GPC6: variants seen among roughly 807,000 people sequenced by gnomAD.
GPC6 encodes the protein glypican-6.
A neutral mutation model predicts 55.2 loss-of-function variants in GPC6; 14 were observed. That is an observed-to-expected ratio of 0.25 (90% CI 0.17 to 0.40). GPC6 has a LOEUF of 0.40. Ranked by LOEUF, GPC6 falls within the 10% of genes least tolerant of loss-of-function variation. The probability of loss-of-function intolerance (pLI) is 1.00; values close to 1 mark genes in which losing one functional copy is unlikely to be tolerated. For synonymous variants in GPC6, 278 were observed against 259.6 expected (o/e 1.07, Z -0.68); for missense variants, 641 against 708.5 (o/e 0.90, Z 1.08).
chr13:94,191,665 A>G (rs1889399981), intron 4 of GPC6, among the ~76,000 whole-genome samples: 1 of 151,864 alleles, frequency 6.6e-6, no homozygotes. Context: ...AAAAAAATTG[A>G]GACTTATCTT....
intron 3 of GPC6, among the ~76,000 whole-genome samples, chr13:93,978,019 T>C (rs1283154603): frequency 6.6e-6 from 1 of 152,206 alleles, no homozygotes; most frequent in East Asian, 1.9e-4. Context: ...CAGACTATTC[T>C]GGATTATCCA....
At chr13:93,800,014 A>G (rs1460099624) in intron 2 of GPC6, among the ~76,000 whole-genome samples, 2 of 151,880 alleles carry the variant, frequency 1.3e-5, no homozygotes, top group Admixed American at 1.3e-4. Flanking sequence ...TGGAGCTTAC[A>G]TTTCTGATAC....
intron 2 of GPC6, among the ~76,000 whole-genome samples, chr13:93,616,815 C>A (rs1401487069): frequency 6.6e-6 from 1 of 152,094 alleles, no homozygotes; most frequent in Non-Finnish European, 1.5e-5. Flanking sequence ...GAACATTCAA[C>A]ACCATTGACG....
chr13:93,983,324 A>G (rs904631585), intron 3 of GPC6, among the ~76,000 whole-genome samples: 2 of 152,200 alleles, frequency 1.3e-5, no homozygotes, highest in Non-Finnish European at 2.9e-5. Context: ...TGGATCGTAT[A>G]TAAAATGTAG....
At chr13:93,781,230 C>T (rs1021192736) in intron 2 of GPC6, among the ~76,000 whole-genome samples, 3 of 150,508 alleles carry the variant, frequency 2.0e-5, no homozygotes, top group Non-Finnish European at 4.4e-5. Context: ...AAGCCGAGAT[C>T]GCGCCACTGC....
At chr13:93,763,290 T>G (rs1224977795) in intron 2 of GPC6, among the ~76,000 whole-genome samples, 1 of 152,222 alleles carries the variant, frequency 6.6e-6, no homozygotes, top group African/African-American at 2.4e-5. Context: ...AGCTGGACTC[T>G]TTGATTCCCT....
At chr13:94,313,471 A>G (rs1005594588) in intron 6 of GPC6, among the ~76,000 whole-genome samples, 34 of 152,214 alleles carry the variant, frequency 2.2e-4, no homozygotes, top group Non-Finnish European at 1.5e-5. Flanking sequence ...TAGAAGGCAC[A>G]TAGACCTCTC....
intron 6 of GPC6, among the ~76,000 whole-genome samples, chr13:94,319,021 C>T (rs1876685401): frequency 6.6e-6 from 1 of 152,064 alleles, no homozygotes; most frequent in South Asian, 2.1e-4. Context: ...TTTTAAAATC[C>T]AGAATAACAA....
At chr13:94,393,847 C>T (rs1268743518) in intron 7 of GPC6, among the ~76,000 whole-genome samples, 5 of 152,160 alleles carry the variant, frequency 3.3e-5, no homozygotes, top group South Asian at 2.1e-4. Context: ...CCAGCATTAA[C>T]GTGATGATGA....
chr13:94,213,145 G>A (rs1890130767), intron 4 of GPC6, among the ~76,000 whole-genome samples: 1 of 152,182 alleles, frequency 6.6e-6, no homozygotes, highest in Admixed American at 6.5e-5. Context: ...GACATAGCAA[G>A]ACTGTGTCTC....
At chr13:93,305,251 T>TG (rs1878818213) in intron 1 of GPC6, among the ~76,000 whole-genome samples, 1 of 152,256 alleles carries the variant, frequency 6.6e-6, no homozygotes, top group South Asian at 2.1e-4. Flanking sequence ...GTCGTTTTTT[T>TG]TGTGTGTGTG....
At chr13:93,638,917 A>T (rs547282923) in intron 2 of GPC6, among the ~76,000 whole-genome samples, 1 of 152,158 alleles carries the variant, frequency 6.6e-6, no homozygotes, top group African/African-American at 2.4e-5. Context: ...AAAATAGTGT[A>T]TATGTTAAAT....
intron 1 of GPC6, among the ~76,000 whole-genome samples, chr13:93,295,937 T>A (rs1271238777): frequency 6.6e-6 from 1 of 152,068 alleles, no homozygotes; most frequent in Non-Finnish European, 1.5e-5. Context: ...CGTCTTGAAC[T>A]CCTGGGCTCA....
chr13:94,282,417 C>G (rs1222596853), intron 4 of GPC6, among the ~76,000 whole-genome samples: 1 of 152,172 alleles, frequency 6.6e-6, no homozygotes, highest in Non-Finnish European at 1.5e-5. Context: ...ATGAGAACAG[C>G]ATGAGAACAG....
At chr13:93,980,826 G>A (rs1358930209) in intron 3 of GPC6, among the ~76,000 whole-genome samples, 2 of 152,030 alleles carry the variant, frequency 1.3e-5, no homozygotes, top group African/African-American at 2.4e-5. Flanking sequence ...ATAGGATAAG[G>A]CTGAAACCAT....
At chr13:94,031,323 A>G (rs1594680559) in intron 4 of GPC6, among the ~76,000 whole-genome samples, 1 of 152,224 alleles carries the variant, frequency 6.6e-6, no homozygotes, top group Admixed American at 6.5e-5. Flanking sequence ...AAATGCCGCT[A>G]GACCTATTTT....
rs553891139 is a variant in GPC6, at chr13:94,101,458, A to G, written c.877+73564A>G. Among the ~76,000 whole-genome samples, 11 of 152,306 alleles carry G rather than the reference A, an allele frequency of 7.2e-5. No homozygotes were observed. The South Asian group carries it at 2.3e-3, about 32-fold the overall frequency. ...ATCTGAAGTCCAGTGTCTGTGTTGT[A>G]TGTGATTTCATCTCAGTAGAGTGCA... On this transcript the variant is annotated intron_variant, in intron 4 of 8. Transcript: ENST00000377047.
chr13:93,505,476 A>G (rs569594841), intron 1 of GPC6, among the ~76,000 whole-genome samples: 3 of 151,788 alleles, frequency 2.0e-5, no homozygotes, highest in South Asian at 2.1e-4. Context: ...GAGAGAGAGA[A>G]AGAGAGATTA....
At chr13:94,071,312 T>G (rs896205846) in intron 4 of GPC6, among the ~76,000 whole-genome samples, 3 of 152,186 alleles carry the variant, frequency 2.0e-5, no homozygotes, top group African/African-American at 7.2e-5. Flanking sequence ...ATAAAGCATG[T>G]GGTGTATATT....
Sources: allele counts gnomAD v4.1 joint callset (sites outside exome capture counted in the v4.1 genomes callset), GRCh38; gene constraint gnomAD v4.1.1; transcripts MANE v1.5; gene names NCBI Gene and HGNC (gene_info 2026-07-23, HGNC 2026-07-21).